The following SLCO2B1 variants were observed in gnomAD, a reference collection of about 807,000 sequenced individuals.
The protein encoded by SLCO2B1 is solute carrier organic anion transporter family member 2B1, also known as OATP-RP2.
A neutral mutation model predicts 67.3 loss-of-function variants in SLCO2B1; 41 were observed. That is an observed-to-expected ratio of 0.61 (90% CI 0.47 to 0.79). The LOEUF (loss-of-function observed/expected upper bound fraction) is 0.79. Among genes scored for constraint, SLCO2B1 ranks in the 30% least tolerant of loss-of-function variants. The probability of loss-of-function intolerance (pLI) is 0.00; values close to 1 mark genes in which losing one functional copy is unlikely to be tolerated. For synonymous variants in SLCO2B1, 379 were observed against 381.4 expected, an observed-to-expected ratio of 0.99 and a Z score of 0.07; for missense variants, 837 against 920.1, an observed-to-expected ratio of 0.91 and a Z score of 1.17.
chr11:75,197,048 G>A (rs189570770), intron 10 of SLCO2B1, among the ~76,000 whole-genome samples: 1,684 of 152,298 alleles, frequency 0.011, 32 homozygotes, highest in African/African-American at 0.039. Context: ...TCCGGGAGGC[G>A]GAGGTTGCAG....
At chr11:75,157,182 C>A (rs1193697153) in intron 1 of SLCO2B1, 2 of 152,188 alleles carry the variant, frequency 1.3e-5, no homozygotes, top group Non-Finnish European at 2.9e-5. Flanking sequence ...ATGGCCACAG[C>A]CTCTTCCCTT....
At chr11:75,170,547 C>T (rs1363429345) in intron 6 of SLCO2B1, among the ~76,000 whole-genome samples, 2 of 152,198 alleles carry the variant, frequency 1.3e-5, no homozygotes, top group African/African-American at 4.8e-5. Flanking sequence ...AGATGTGCCT[C>T]CTGCCATTCT....
intron 1 of SLCO2B1, chr11:75,159,877 G>A (rs1275864088): frequency 1.0e-6 from 1 of 985,856 alleles, no homozygotes; most frequent in Non-Finnish European, 1.2e-6. Flanking sequence ...CCAGAGGTGA[G>A]GCTGGAGTGG....
At chr11:75,154,667 C>G (rs1157604120) in intron 1 of SLCO2B1, among the ~76,000 whole-genome samples, 1 of 152,220 alleles carries the variant, frequency 6.6e-6, no homozygotes, top group East Asian at 1.9e-4. Context: ...CTGGACAAAT[C>G]TGTACTGAAG....
At chr11:75,175,147 G>A (rs1322980280) in intron 7 of SLCO2B1, among the ~76,000 whole-genome samples, 2 of 152,298 alleles carry the variant, frequency 1.3e-5, no homozygotes, top group East Asian at 1.9e-4. Context: ...GGAGGGAAGG[G>A]GGTGAGAGGT....
chr11:75,198,028 C>A (rs139356910), intron 10 of SLCO2B1, among the ~76,000 whole-genome samples: 1 of 152,192 alleles, frequency 6.6e-6, no homozygotes, highest in Non-Finnish European at 1.5e-5. Context: ...AGAGTCCTCC[C>A]ACCTCCCACC....
At chr11:75,154,316 C>T (rs1369162572) in intron 1 of SLCO2B1, among the ~76,000 whole-genome samples, 2 of 151,414 alleles carry the variant, frequency 1.3e-5, no homozygotes, top group Non-Finnish European at 2.9e-5. Flanking sequence ...CATGGTGAAA[C>T]ACCCCCATCT....
rs1945101196 is a variant in SLCO2B1, at chr11:75,196,679, G to A, written c.1599G>A (p.Gln533=). 6.2e-7 allele frequency: 1 copy of A among 1,612,544 alleles called. No individual in the cohort carries two copies. Among genetic ancestry groups the A allele is most frequent in the East Asian group, 2.2e-5 (1 of 44,838 alleles). ...TCCAGGATGCTCTGGACAACAGCCAGGTGAGTCAGGCCTCTCGTGGCAACC... is the reference window on the plus strand; with the variant it reads ...TCCAGGATGCTCTGGACAACAGCCAAGTGAGTCAGGCCTCTCGTGGCAACC... ...WVVQDALDNS[Q]VFYTNCSCVV... The change falls in exon 10 of 14, where the codon CAG becomes CAA. Residue 533 remains glutamine (Q), a splice_region_variant and synonymous_variant. Coordinates refer to ENST00000289575, the MANE Select transcript of SLCO2B1 (RefSeq NM_007256.5).
chr11:75,182,210 C>T (rs1400762326), intron 7 of SLCO2B1, among the ~76,000 whole-genome samples: 4 of 152,200 alleles, frequency 2.6e-5, no homozygotes, highest in Admixed American at 6.5e-5. Context: ...GACCACCCAG[C>T]CCCTGAAGGT....
chr11:75,172,339 A>G, intron 6 of SLCO2B1, 40 bp from the exon 7 acceptor site: 1 of 1,563,616 alleles, frequency 6.4e-7, no homozygotes, highest in Non-Finnish European at 8.7e-7. Flanking sequence ...GTGACAGCCT[A>G]TCATCCTGAC....
At chr11:75,175,225 T>G (rs905894876) in intron 7 of SLCO2B1, among the ~76,000 whole-genome samples, 17 of 152,044 alleles carry the variant, frequency 1.1e-4, no homozygotes, top group African/African-American at 4.1e-4. Flanking sequence ...CAATAAATAT[T>G]GATGTGGGAG....
rs1949836705 is a variant in SLCO2B1, at chr11:75,162,722, A to G, written c.84A>G (p.Thr28=). The G allele has an allele frequency of 6.2e-7, 1 of 1,612,754 alleles. No homozygotes were observed. Residue 28 remains threonine, a synonymous_variant, in exon 2 of 14, where the codon ACA becomes ACG. Coordinates refer to ENST00000289575, the MANE Select transcript of SLCO2B1 (RefSeq NM_007256.5). ...AAGCCACAATGGGCACAGAAAACAC[A>G]CCTGGAGGCAAAGCCAGCCCAGACC... ...ETKATMGTEN[T]PGGKASPDPQ... is the part of the protein sequence containing the mutation.
intron 1 of SLCO2B1, among the ~76,000 whole-genome samples, chr11:75,158,291 G>T (rs1949771104): frequency 6.6e-6 from 1 of 152,168 alleles, no homozygotes; most frequent in South Asian, 2.1e-4. Flanking sequence ...GCCCAGGCTG[G>T]TTTATTATTT....
intron 1 of SLCO2B1, among the ~76,000 whole-genome samples, chr11:75,154,215 C>T (rs915089481): frequency 6.6e-6 from 1 of 151,410 alleles, no homozygotes; most frequent in East Asian, 2.0e-4. Flanking sequence ...TGAACCACCG[C>T]GCCTGACCAT....
chr11:75,153,911 C>T (rs1162451223), intron 1 of SLCO2B1, among the ~76,000 whole-genome samples: 1 of 149,248 alleles, frequency 6.7e-6, no homozygotes, highest in Admixed American at 6.8e-5. Context: ...TAACCCCAAT[C>T]ATGTGTACAG....
chr11:75,190,363 C>T (rs969615976), intron 8 of SLCO2B1, among the ~76,000 whole-genome samples: 5 of 152,190 alleles, frequency 3.3e-5, no homozygotes, highest in Non-Finnish European at 5.9e-5. Context: ...TAGGGCCTGG[C>T]CTTGACCACC....
At position 75,205,861 on chromosome 11, in the gene SLCO2B1, C is replaced by T. The variant is rs903810699; in HGVS notation, c.*1281C>T. The T allele has an allele frequency of 6.6e-6, 1 of 152,204 alleles. No individual in the cohort carries two copies. The highest frequency in any genetic ancestry group is 2.4e-5 in the African/African-American group (1 of 41,454). The allele number at this position is 152,204 out of a possible 1,614,324, so 9.4% of individuals were successfully genotyped here. ...AGCCCAACCTATTACCACCCCACCT[C>T]GCTGGGACCTACTGCTCGGGAGGCA... is the stretch of plus-strand genomic sequence containing the variant. On this transcript the variant is annotated 3_prime_UTR_variant, in exon 14 of 14. Coordinates refer to ENST00000289575, the MANE Select transcript of SLCO2B1 (RefSeq NM_007256.5).
intron 13 of SLCO2B1, 194 bp downstream of exon 13, chr11:75,203,621 G>A: frequency 4.5e-6 from 3 of 659,472 alleles, no homozygotes; most frequent in Non-Finnish European, 7.5e-6. Flanking sequence ...TGAGGAAAGT[G>A]ACAGTTAAAG....
In SLCO2B1 at chr11:75,162,630, C is replaced by T. The variant is rs748131226; in HGVS notation, c.17-25C>T. On this transcript the variant is annotated intron_variant, in intron 1 of 13. Coordinates refer to ENST00000289575, the MANE Select transcript of SLCO2B1 (RefSeq NM_007256.5). Reference sequence around the variant, plus strand: ...CATTCTCGGGGATTCTATCTATTCTCTTTCCCTGGTTTTCTGTCCCTCAGG... The same window carrying T: ...CATTCTCGGGGATTCTATCTATTCTTTTTCCCTGGTTTTCTGTCCCTCAGG... 6 of 1,606,486 alleles carry T rather than the reference C, an allele frequency of 3.7e-6. No individual in the cohort carries two copies. The South Asian group carries it at 6.7e-5, about 18-fold the overall frequency.
Sources: gnomAD v4.1 joint callset for allele counts (sites outside exome capture counted in the v4.1 genomes callset) on GRCh38, gnomAD v4.1.1 for gene constraint, MANE v1.5 for transcripts, NCBI Gene and HGNC (gene_info 2026-07-23, HGNC 2026-07-21) for gene names.